The following EYS variants were observed in gnomAD, a reference collection of about 807,000 sequenced individuals.
EYS encodes EGF-like photoreceptor maintenance factor, also known as protein eyes shut homolog.
A neutral mutation model predicts 282.1 loss-of-function variants in EYS; 250 were observed. The observed-to-expected ratio is 0.89, with a 90% CI of 0.80 to 0.98. The LOEUF (loss-of-function observed/expected upper bound fraction) is 0.98. Ranked by LOEUF, EYS falls within the 50% of genes least tolerant of loss-of-function variation. The probability of loss-of-function intolerance (pLI) is 0.00; values close to 1 mark genes in which losing one functional copy is unlikely to be tolerated. For missense variants in EYS, 4,016 were observed against 3,709.0 expected (o/e 1.08, Z -2.15); for synonymous variants, 1,355 against 1,282.9 (o/e 1.06, Z -1.20).
chr6:63,812,612 T>A (rs1771077739), intron 36 of EYS, among the ~76,000 whole-genome samples: 2 of 152,250 alleles, frequency 1.3e-5, no homozygotes, highest in South Asian at 4.2e-4. Context: ...TACATATTTA[T>A]CAAATGGTTG....
chr6:65,679,621 A>C (rs1768747205), intron 1 of EYS, among the ~76,000 whole-genome samples: 2 of 151,922 alleles, frequency 1.3e-5, no homozygotes, highest in Non-Finnish European at 2.9e-5. Flanking sequence ...CCTTTTCTAC[A>C]ATAAAGTATA....
chr6:63,861,311 T>C (rs992571707), intron 36 of EYS, among the ~76,000 whole-genome samples: 8 of 152,230 alleles, frequency 5.3e-5, no homozygotes, highest in African/African-American at 1.9e-4. Context: ...GAATATTATA[T>C]CTCCAGAAGA....
intron 33 of EYS, among the ~76,000 whole-genome samples, chr6:64,017,321 C>A (rs1768941528): frequency 6.6e-6 from 1 of 151,994 alleles, no homozygotes; most frequent in African/African-American, 2.4e-5. Context: ...CATCTGTGAT[C>A]TACAATTGTG....
chr6:65,598,190 G>T (rs1365429151), intron 2 of EYS, among the ~76,000 whole-genome samples: 1 of 149,630 alleles, frequency 6.7e-6, no homozygotes, highest in Non-Finnish European at 1.5e-5. Flanking sequence ...TCTACCACAG[G>T]GTGGTAGTAA....
chr6:63,937,623 C>A (rs1476201756), intron 35 of EYS, among the ~76,000 whole-genome samples: 7 of 151,610 alleles, frequency 4.6e-5, no homozygotes, highest in Admixed American at 2.0e-4. Flanking sequence ...CCTCGTGATC[C>A]GCTCGCCTCG....
At chr6:63,854,144 C>T (rs573926894) in intron 36 of EYS, among the ~76,000 whole-genome samples, 1 of 152,260 alleles carries the variant, frequency 6.6e-6, no homozygotes, top group Non-Finnish European at 1.5e-5. Context: ...ACTATAAAGA[C>T]ACATGCATAC....
In EYS at chr6:64,977,503, A is replaced by C. The variant is rs867894446; in HGVS notation, c.2259+20079T>G. ...AATATTAAAATGAGGCCAATTAATAACCCTACAATGACCTCTAAGTGATCA... is the reference window on the plus strand; with the variant it reads ...AATATTAAAATGAGGCCAATTAATACCCCTACAATGACCTCTAAGTGATCA... On this transcript the variant is annotated intron_variant, in intron 14 of 42. Coordinates refer to ENST00000503581, the MANE Select transcript of EYS (RefSeq NM_001142800.2). Among the ~76,000 whole-genome samples the C allele has an allele frequency of 2.6e-5, 4 of 151,916 alleles. No homozygotes were observed. In the South Asian group the frequency reaches 6.2e-4, roughly 24 times the overall value.
At chr6:65,121,201 G>C (rs75323131) in intron 12 of EYS, among the ~76,000 whole-genome samples, 5,611 of 152,148 alleles carry the variant, frequency 0.037, 145 homozygotes, top group Non-Finnish European at 0.055. Flanking sequence ...TGTGAATCTT[G>C]TCAGTGGCCA....
chr6:64,506,347 A>G (rs1324404077), intron 26 of EYS, among the ~76,000 whole-genome samples: 1 of 152,190 alleles, frequency 6.6e-6, no homozygotes, highest in Non-Finnish European at 1.5e-5. Flanking sequence ...AAATTTAAAA[A>G]AAAGTTTGGT....
intron 26 of EYS, among the ~76,000 whole-genome samples, chr6:64,486,457 G>T (rs1048717374): frequency 1.3e-5 from 2 of 151,340 alleles, no homozygotes; most frequent in Non-Finnish European, 3.0e-5. Context: ...GTAGCATTTT[G>T]TTAGTTTTAC....
intron 22 of EYS, among the ~76,000 whole-genome samples, chr6:64,756,284 CTG>C (rs1277563685): frequency 2.6e-5 from 4 of 152,164 alleles, no homozygotes; most frequent in African/African-American, 9.7e-5. Flanking sequence ...AGTAGAAAAA[CTG>C]AACTCCAAAT....
chr6:64,373,220 C>T (rs1355532658), intron 29 of EYS, among the ~76,000 whole-genome samples: 3 of 151,962 alleles, frequency 2.0e-5, no homozygotes, highest in Non-Finnish European at 4.4e-5. Flanking sequence ...AAGTTGCTGT[C>T]CTTTGGATGG....
At chr6:64,226,045 T>C (rs572535545) in intron 31 of EYS, among the ~76,000 whole-genome samples, 21 of 152,302 alleles carry the variant, frequency 1.4e-4, no homozygotes, top group Middle Eastern at 3.4e-3. Context: ...TTTCTGATGA[T>C]GTAGACCATC....
At chr6:64,356,451 C>T (rs1771827175) in intron 29 of EYS, among the ~76,000 whole-genome samples, 1 of 151,596 alleles carries the variant, frequency 6.6e-6, no homozygotes, top group African/African-American at 2.4e-5. Flanking sequence ...GCCTCTTCCC[C>T]CTGAAGCAGT....
At position 64,067,672 on chromosome 6, in the gene EYS, T is replaced by C. The variant is rs573475386; in HGVS notation, c.6572-1181A>G. On this transcript the variant is annotated intron_variant, in intron 32 of 42. Transcript: ENST00000503581. ...TTTTACTAATTTACAAATTAAACTT[T>C]ATCATTGGCATGATGTACAGGAAAA... Among the ~76,000 whole-genome samples, 4 of 152,272 alleles carry C rather than the reference T, an allele frequency of 2.6e-5. No homozygotes were observed. The South Asian group carries it at 6.2e-4, about 24-fold the overall frequency.
chr6:64,138,090 A>G (rs776655514), intron 31 of EYS, among the ~76,000 whole-genome samples: 2 of 152,216 alleles, frequency 1.3e-5, no homozygotes, highest in Admixed American at 1.3e-4. Flanking sequence ...GAAAAAGGCT[A>G]GCGAGTGTCG....
chr6:64,996,105 C>T lies in EYS; in HGVS notation c.2259+1477G>A, dbSNP rs192950283. Among the ~76,000 whole-genome samples, 105 of 152,162 alleles carry T rather than the reference C, an allele frequency of 6.9e-4. 1 individual carries two copies. Among genetic ancestry groups the T allele is most frequent in the African/African-American group, 2.3e-3 (94 of 41,536 alleles). ...ATGATTTACCTGCAAGTAAAAGGAA[C>T]TCTGACTTCAGTAATATTAAACAAG... On this transcript the variant is annotated intron_variant, in intron 14 of 42. Coordinates refer to ENST00000503581, the MANE Select transcript of EYS (RefSeq NM_001142800.2).
At chr6:63,941,631 A>C (rs1001170802) in intron 35 of EYS, among the ~76,000 whole-genome samples, 1 of 152,156 alleles carries the variant, frequency 6.6e-6, no homozygotes, top group Non-Finnish European at 1.5e-5. Flanking sequence ...TTCTGGAAAA[A>C]AATGCCACAA....
chr6:64,502,012 C>T (rs1042604394), intron 26 of EYS, among the ~76,000 whole-genome samples: 4 of 152,170 alleles, frequency 2.6e-5, no homozygotes, highest in African/African-American at 9.7e-5. Context: ...GATAATATAA[C>T]ACCGATCTCA....
Sources: gnomAD v4.1 joint callset for allele counts (sites outside exome capture counted in the v4.1 genomes callset) on GRCh38, gnomAD v4.1.1 for gene constraint, MANE v1.5 for transcripts, NCBI Gene and HGNC (gene_info 2026-07-23, HGNC 2026-07-21) for gene names.